TYRP1: variants seen among roughly 807,000 people sequenced by gnomAD.
The protein encoded by TYRP1 is tyrosinase related protein 1, also known as 5,6-dihydroxyindole-2-carboxylic acid oxidase.
Under a neutral mutation model 42.8 loss-of-function variants are expected in TYRP1, and 49 were observed. That is an observed-to-expected ratio of 1.14 (90% CI 0.91 to 1.45). TYRP1 has a LOEUF of 1.45. TYRP1 is among the 40% of genes most tolerant of loss of function. TYRP1 has a pLI of 0.00. For missense variants in TYRP1, 848 were observed against 662.0 expected (o/e 1.28, Z -3.08); for synonymous variants, 279 against 235.4 (o/e 1.19, Z -1.69).
chr9:12,708,663 G>C (rs1294504180), intron 7 of TYRP1, among the ~76,000 whole-genome samples: 1 of 151,950 alleles, frequency 6.6e-6, no homozygotes, highest in Non-Finnish European at 1.5e-5. Context: ...AAAAGTACAA[G>C]ACTTATATTC....
rs1343205939 is a variant in TYRP1, at chr9:12,710,266, A to T, written c.*1084A>T. 1 of 151,652 alleles carries T rather than the reference A, an allele frequency of 6.6e-6. No individual in the cohort carries two copies. The highest frequency in any genetic ancestry group is 2.4e-5 in the African/African-American group (1 of 41,392). 9.4% of individuals were successfully genotyped at this position (151,652 alleles called of 1,614,324 possible). A position where few individuals can be genotyped will look rare whatever the true frequency, so the allele number is the denominator to read the frequency against. On this transcript the variant is annotated 3_prime_UTR_variant, in exon 8 of 8. Transcript: ENST00000388918. Reference sequence around the variant, plus strand: ...AAAATTGGTAAAAATAAATAATAACAGTAATAATCATGCACTATAGAAAAT... The same window carrying T: ...AAAATTGGTAAAAATAAATAATAACTGTAATAATCATGCACTATAGAAAAT...
At chr9:12,706,942 A>G (rs943463532) in intron 6 of TYRP1, among the ~76,000 whole-genome samples, 11 of 151,918 alleles carry the variant, frequency 7.2e-5, no homozygotes, top group African/African-American at 1.4e-4. Flanking sequence ...AGGAACAAAA[A>G]TTACACTTTA....
chr9:12,699,943 A>G (rs1021892083), intron 4 of TYRP1, among the ~76,000 whole-genome samples: 34 of 152,058 alleles, frequency 2.2e-4, no homozygotes, highest in African/African-American at 8.2e-4. Flanking sequence ...TTTTCATCAT[A>G]ATTTTTCTTG....
In TYRP1 at chr9:12,709,433, G is replaced by A; in HGVS notation, c.*251G>A. On this transcript the variant is annotated 3_prime_UTR_variant, in exon 8 of 8. Transcript: ENST00000388918. ...ACTCCATGATATTTAAGGATAGTGT[G>A]AAGATCTTTGGCATGATTTAAAGGT... 4 of 494,680 alleles carry A rather than the reference G, an allele frequency of 8.1e-6. No individual in the cohort carries two copies. Among genetic ancestry groups the A allele is most frequent in the Middle Eastern group, 5.8e-4 (1 of 1,732 alleles). The allele number at this position is 494,680 out of a possible 1,614,324, so 30.6% of individuals were successfully genotyped here.
At position 12,709,256 on chromosome 9, in the gene TYRP1, G is replaced by GTAT. The variant is rs1485694340; in HGVS notation, c.*76_*78dup. 9 of 1,411,780 alleles carry GTAT rather than the reference G, an allele frequency of 6.4e-6. No homozygotes were observed. Among genetic ancestry groups the GTAT allele is most frequent in the South Asian group, 2.3e-5 (2 of 86,504 alleles). The allele number at this position is 1,411,780 out of a possible 1,614,324, so 87.5% of individuals were successfully genotyped here. On this transcript the variant is annotated 3_prime_UTR_variant, in exon 8 of 8. Transcript: ENST00000388918. ...AATATAATAGATTGAGTTATTAACT[G>GTAT]TATTTTCTTTCACTTTATTACCTTC...
At position 12,702,326 on chromosome 9, in the gene TYRP1, G is replaced by T; in HGVS notation, c.969G>T (p.Met323Ile). 6.2e-7 allele frequency: 1 copy of T among 1,613,138 alleles called. No individual in the cohort carries two copies. Among genetic ancestry groups the T allele is most frequent in the Non-Finnish European group, 8.5e-7 (1 of 1,179,488 alleles). Residue 323 changes from methionine (M) to isoleucine (I), a missense_variant, in exon 5 of 8, where the codon ATG becomes ATT. Physicochemically the swap from Met to Ile is conservative, Grantham distance 10. Transcript: ENST00000388918. ...RNPAGNVARP[M>I]VQRLPEPQDV... ...CAGCTGGAAATGTGGCCAGACCAATGGTGCAACGTCTTCCTGAACCACAGG... is the reference window on the plus strand; with the variant it reads ...CAGCTGGAAATGTGGCCAGACCAATTGTGCAACGTCTTCCTGAACCACAGG...
At position 12,706,516 on chromosome 9, in the gene TYRP1, A is replaced by G. The variant is rs41306296; in HGVS notation, c.1262-1481A>G. Among the ~76,000 whole-genome samples, 796 of 152,128 alleles carry G rather than the reference A, an allele frequency of 5.2e-3. 4 individuals carry two copies. Among genetic ancestry groups the G allele is most frequent in the Non-Finnish European group, 7.5e-3 (511 of 67,952 alleles). Reference sequence around the variant, plus strand: ...TTTCTTTGTTTGCAATATGTGTAGCATAAGGTTTCTCAGTAACTTGAATTG... The same window carrying G: ...TTTCTTTGTTTGCAATATGTGTAGCGTAAGGTTTCTCAGTAACTTGAATTG... On this transcript the variant is annotated intron_variant, in intron 6 of 7. Coordinates refer to ENST00000388918, the MANE Select transcript of TYRP1 (RefSeq NM_000550.3).
chr9:12,704,400 A>G, intron 5 of TYRP1, 126 bp from the exon 6 acceptor site: 1 of 948,862 alleles, frequency 1.1e-6, no homozygotes, highest in African/African-American at 1.6e-5. Context: ...CAGTGCTGTT[A>G]TATTAAGGCA....
Position 12,704,645 on chromosome 9 carries a change from G to C in TYRP1, c.1201G>C (p.Val401Leu). 2 of 1,612,990 alleles carry C rather than the reference G, an allele frequency of 1.2e-6. No homozygotes were observed. The highest frequency in any genetic ancestry group is 1.7e-6 in the Non-Finnish European group (2 of 1,179,432). The change falls in exon 6 of 8, where the codon GTC (valine) becomes CTC (leucine). Residue 401 changes from valine (V) to leucine (L), a missense_variant. Transcript: ENST00000388918. ...TTTGTCTCCAAATGATCCTATTTTT[G>C]TCCTCCTGCACACCTTCACAGATGC... ...THLSPNDPIF[V>L]LLHTFTDAVF...
At chr9:12,706,999 G>A (rs527774652) in intron 6 of TYRP1, among the ~76,000 whole-genome samples, 2 of 151,920 alleles carry the variant, frequency 1.3e-5, no homozygotes, top group Middle Eastern at 6.8e-3. Flanking sequence ...TCCATTACAG[G>A]TTCCTTTCAT....
At chr9:12,694,997 G>T (rs544465442) in intron 2 of TYRP1, among the ~76,000 whole-genome samples, 3 of 152,086 alleles carry the variant, frequency 2.0e-5, no homozygotes, top group Non-Finnish European at 4.4e-5. Context: ...TATGAGTTAG[G>T]CCTTGGGCTA....
intron 4 of TYRP1, 105 bp from the exon 5 acceptor site, chr9:12,702,166 G>A: frequency 1.6e-6 from 2 of 1,248,394 alleles, no homozygotes; most frequent in Admixed American, 4.7e-5. Flanking sequence ...TTTCTACCAA[G>A]GAAAACCTAT....
chr9:12,695,601 T>G lies in TYRP1; in HGVS notation c.472T>G (p.Leu158Val). Residue 158 changes from leucine to valine, a missense_variant, in exon 3 of 8, where the codon TTA becomes GTA. Physicochemically the swap from Leu to Val is conservative, Grantham distance 32. Coordinates refer to ENST00000388918, the MANE Select transcript of TYRP1 (RefSeq NM_000550.3). ...LDMAKRTTHP[L>V]FVIATRRSEE... ...TATGGCAAAGCGCACAACTCACCCT[T>G]TATTTGTCATTGCCACCAGGAGATC... 6.2e-7 allele frequency: 1 copy of G among 1,614,170 alleles called. No homozygotes were observed. Among genetic ancestry groups the G allele is most frequent in the Non-Finnish European group, 8.5e-7 (1 of 1,180,036 alleles).
chr9:12,695,808 C>A lies in TYRP1; in HGVS notation c.679C>A (p.His227Asn). The stretch of plus-strand genomic sequence containing the variant: ...AGCTTTTCTCACATGGCACAGGTAC[C>A]ACCTCCTGCGTCTGGAGAAAGACAT... ...GPAFLTWHRYHLLRLEKDMQE... is the reference protein window; with the variant it reads ...GPAFLTWHRYNLLRLEKDMQE... The change falls in exon 3 of 8, where the codon CAC becomes AAC. Residue 227 changes from histidine (H) to asparagine (N), a missense_variant. By Grantham distance (68) the His-to-Asn change is moderately conservative. Coordinates refer to ENST00000388918, the MANE Select transcript of TYRP1 (RefSeq NM_000550.3). 6.2e-7 allele frequency: 1 copy of A among 1,614,082 alleles called. No individual in the cohort carries two copies. The highest frequency in any genetic ancestry group is 8.5e-7 in the Non-Finnish European group (1 of 1,180,018).
chr9:12,700,491 T>C (rs1818149186), intron 4 of TYRP1: 1 of 152,064 alleles, frequency 6.6e-6, no homozygotes, highest in African/African-American at 2.4e-5. Flanking sequence ...TTCACAGTAC[T>C]TCTCAAATAT....
intron 6 of TYRP1, 60 bp from the exon 7 acceptor site, chr9:12,707,934 CAAT>C (rs1563857856): frequency 1.4e-5 from 21 of 1,501,880 alleles, no homozygotes; most frequent in Non-Finnish European, 1.9e-5. Context: ...CTTTAGAACT[CAAT>C]AATGATAGGA....
intron 6 of TYRP1, among the ~76,000 whole-genome samples, chr9:12,705,245 A>G (rs1309029315): frequency 1.3e-5 from 2 of 152,048 alleles, no homozygotes; most frequent in Non-Finnish European, 2.9e-5. Flanking sequence ...TTAAAATACT[A>G]TTTAAAAGGC....
chr9:12,704,821 C>A, intron 6 of TYRP1, 116 bp downstream of exon 6: 1 of 1,025,274 alleles, frequency 9.8e-7, no homozygotes, highest in Non-Finnish European at 1.5e-6. Context: ...ATAAGGATAG[C>A]ATAGCTGTAA....
chr9:12,694,320 C>CAACT lies in TYRP1; in HGVS notation c.325_328dup (p.Cys110Ter). On this transcript the variant is annotated frameshift_variant, in exon 2 of 8. Coordinates refer to ENST00000388918, the MANE Select transcript of TYRP1 (RefSeq NM_000550.3). LOFTEE classifies it high-confidence loss of function. ...ACTGCAACGGCAATTTCTCAGGACACAACTGTGGGACGTGCCGTCCTGGCT... is the reference window on the plus strand; with the variant it reads ...ACTGCAACGGCAATTTCTCAGGACACAACTAACTGTGGGACGTGCCGTCCTGGCT... The CAACT allele has an allele frequency of 6.2e-7, 1 of 1,614,068 alleles. No individual in the cohort carries two copies. The highest frequency in any genetic ancestry group is 8.5e-7 in the Non-Finnish European group (1 of 1,180,002).
Sources: gnomAD v4.1 joint callset for allele counts (sites outside exome capture counted in the v4.1 genomes callset) on GRCh38, gnomAD v4.1.1 for gene constraint, MANE v1.5 for transcripts, NCBI Gene and HGNC (gene_info 2026-07-23, HGNC 2026-07-21) for gene names.